The following JAG1 variants were observed in gnomAD, a reference collection of about 807,000 sequenced individuals.
JAG1 encodes the protein protein jagged-1.
JAG1 carries 23 observed loss-of-function variants against 148.7 expected under a neutral mutation model. That is an observed-to-expected ratio of 0.15 (90% CI 0.11 to 0.22). The LOEUF is 0.22. Among genes scored for constraint, JAG1 ranks in the 10% least tolerant of loss-of-function variants. The pLI is 1.00. For synonymous variants in JAG1, 572 were observed against 598.3 expected, an observed-to-expected ratio of 0.96 and a Z score of 0.64; for missense variants, 1,054 against 1,611.2, an observed-to-expected ratio of 0.65 and a Z score of 5.92.
intron 3 of JAG1, among the ~76,000 whole-genome samples, chr20:10,659,019 T>C (rs932790247): frequency 6.6e-6 from 1 of 152,218 alleles, no homozygotes; most frequent in Non-Finnish European, 1.5e-5. Flanking sequence ...AAAGCCACAG[T>C]GAGCATTCCT....
At chr20:10,664,939 T>C (rs2067443251) in intron 2 of JAG1, among the ~76,000 whole-genome samples, 1 of 152,170 alleles carries the variant, frequency 6.6e-6, no homozygotes, top group Non-Finnish European at 1.5e-5. Context: ...TCCTTCGTAA[T>C]TTACAGTAAG....
intron 2 of JAG1, 81 bp from the exon 3 acceptor site, chr20:10,664,095 T>A (rs934800358): frequency 1.1e-5 from 12 of 1,088,086 alleles, no homozygotes; most frequent in Non-Finnish European, 1.7e-5. Context: ...CCTCCCAGAA[T>A]ACCCCACCAA....
chr20:10,651,827 A>G, intron 7 of JAG1, 133 bp from the exon 8 acceptor site: 1 of 717,552 alleles, frequency 1.4e-6, no homozygotes, highest in South Asian at 1.5e-5. Context: ...AGCGTGTGAT[A>G]GAACCCTGCT....
Position 10,645,085 on chromosome 20 carries a change from A to G in JAG1, c.2227+58T>C, listed in dbSNP as rs2067298801. 6.6e-7 allele frequency: 1 copy of G among 1,523,128 alleles called. No homozygotes were observed. Among genetic ancestry groups the G allele is most frequent in the Non-Finnish European group, 9.1e-7 (1 of 1,096,950 alleles). 94.4% of individuals were successfully genotyped at this position (1,523,128 alleles called of 1,614,324 possible). On this transcript the variant is annotated intron_variant, in intron 17 of 25. Coordinates refer to ENST00000254958, the MANE Select transcript of JAG1 (RefSeq NM_000214.3). The surrounding 1 kb of genome is among the most constrained non-coding windows in gnomAD (Gnocchi z 6.1). Reference sequence around the variant, plus strand: ...ATATCATAAGCTCCAGGGGCCAACCAGCAGACACGCCCAGGTGGCCATGCC... The same window carrying G: ...ATATCATAAGCTCCAGGGGCCAACCGGCAGACACGCCCAGGTGGCCATGCC...
At chr20:10,641,323 G>C (rs1270378106) in intron 23 of JAG1, 79 bp from the exon 24 acceptor site, 1 of 1,581,260 alleles carries the variant, frequency 6.3e-7, no homozygotes, top group Non-Finnish European at 8.7e-7. Flanking sequence ...CTTTGAGGCT[G>C]GCTAAGTTCA....
intron 4 of JAG1, 125 bp downstream of exon 4, chr20:10,658,343 G>A: frequency 8.1e-7 from 1 of 1,235,324 alleles, no homozygotes; most frequent in Admixed American, 1.7e-5. Flanking sequence ...CATACTGCAG[G>A]CCCAGAATAA....
rs747469871 is a variant in JAG1, at chr20:10,644,318, T to C, written c.2372+39A>G. ...CACACACACACACACACACACACGA[T>C]AGTGGATGAGTGCTGGCTTAAAAGG... is the stretch of plus-strand genomic sequence containing the variant. On this transcript the variant is annotated intron_variant, in intron 19 of 25. Coordinates refer to ENST00000254958, the MANE Select transcript of JAG1 (RefSeq NM_000214.3). 1.1e-5 allele frequency: 12 copies of C among 1,137,584 alleles called. No individual in the cohort carries two copies. The East Asian group carries it at 1.8e-4, about 17-fold the overall frequency. The allele number at this position is 1,137,584 out of a possible 1,614,324, so 70.5% of individuals were successfully genotyped here.
rs145289642 is a variant in JAG1 at position 10,653,125 on chromosome 20, G to A, written c.756-527C>T. Among the ~76,000 whole-genome samples the A allele has an allele frequency of 1.5e-3, 235 of 151,654 alleles. 3 individuals carry two copies. Among genetic ancestry groups the A allele is most frequent in the African/African-American group, 5.5e-3 (229 of 41,326 alleles). ...ATTTAAAAAAACAAGGAGAGAAAGG[G>A]GCACCCTCCCTTGGCCAAAGCCAGA... On this transcript the variant is annotated intron_variant, in intron 5 of 25. Coordinates refer to ENST00000254958, the MANE Select transcript of JAG1 (RefSeq NM_000214.3).
At chr20:10,646,583 G>A (rs540570509) in intron 14 of JAG1, among the ~76,000 whole-genome samples, 32 of 152,072 alleles carry the variant, frequency 2.1e-4, no homozygotes, top group African/African-American at 6.7e-4. Flanking sequence ...TGGGGGTCGG[G>A]GGGTGGATCA....
intron 2 of JAG1, among the ~76,000 whole-genome samples, chr20:10,671,474 C>T (rs1486150814): frequency 6.6e-6 from 1 of 152,028 alleles, no homozygotes; most frequent in Non-Finnish European, 1.5e-5. Flanking sequence ...TAAGAGCCAC[C>T]CCAAGCTTCA....
chr20:10,638,895 AATT>A lies in JAG1; in HGVS notation c.*600_*602del, dbSNP rs1158352213. On this transcript the variant is annotated 3_prime_UTR_variant, in exon 26 of 26. Transcript: ENST00000254958. ...ATATACACAGTGATTAATAAAAAAG[AATT>A]ATTTACATAACTATACAAAGTTCTA... 3 of 153,896 alleles carry A rather than the reference AATT, an allele frequency of 1.9e-5. No individual in the cohort carries two copies. Among genetic ancestry groups the A allele is most frequent in the African/African-American group, 4.8e-5 (2 of 41,422 alleles). 9.5% of individuals were successfully genotyped at this position (153,896 alleles called of 1,614,324 possible). A position where few individuals can be genotyped will look rare whatever the true frequency, so the allele number is the denominator to read the frequency against.
At chr20:10,660,221 C>T (rs1273113071) in intron 3 of JAG1, among the ~76,000 whole-genome samples, 16 of 152,188 alleles carry the variant, frequency 1.1e-4, no homozygotes, top group Admixed American at 8.5e-4. Context: ...CCCCAGCGTT[C>T]GCCCTCTAGG....
chr20:10,673,166 C>CG lies in JAG1; in HGVS notation c.82-161_82-160insC. ...TCAAGGACTCAACATGATTCCGGGG[C>CG]AAAAAAAAAAAAAAATGCACGAGTG... On this transcript the variant is annotated intron_variant, in intron 1 of 25. Transcript: ENST00000254958. The surrounding 1 kb of genome is among the most constrained non-coding windows in gnomAD (Gnocchi z 4.7). The CG allele has an allele frequency of 5.1e-6, 3 of 590,684 alleles. No individual in the cohort carries two copies. The highest frequency in any genetic ancestry group is 8.8e-6 in the Non-Finnish European group (3 of 339,718). 36.6% of individuals were successfully genotyped at this position (590,684 alleles called of 1,614,324 possible).
Position 10,673,321 on chromosome 20 carries a change from G to A in JAG1, c.81+129C>T, listed in dbSNP as rs1437888439. Reference sequence around the variant, plus strand: ...TGGCGCGCTCAGCCCAGGTGCAGCCGCTCGGGCGCAGGGGCGAGGAGTCGG... The same window carrying A: ...TGGCGCGCTCAGCCCAGGTGCAGCCACTCGGGCGCAGGGGCGAGGAGTCGG... On this transcript the variant is annotated intron_variant, in intron 1 of 25. Coordinates refer to ENST00000254958, the MANE Select transcript of JAG1 (RefSeq NM_000214.3). The surrounding 1 kb of genome is among the most constrained non-coding windows in gnomAD (Gnocchi z 4.7). 8 of 756,118 alleles carry A rather than the reference G, an allele frequency of 1.1e-5. No homozygotes were observed. The highest frequency in any genetic ancestry group is 1.3e-5 in the Non-Finnish European group (6 of 475,262). The allele number at this position is 756,118 out of a possible 1,614,324, so 46.8% of individuals were successfully genotyped here.
chr20:10,649,057 A>C lies in JAG1; in HGVS notation c.1395+4T>G. 2 of 1,605,994 alleles carry C rather than the reference A, an allele frequency of 1.2e-6. No individual in the cohort carries two copies. ...AGTTTTGATTTAAGCAAAGATTTAC[A>C]TACCCGACAGGAGGCGTCATTCTGA... On this transcript the variant is annotated splice_donor_region_variant and intron_variant, in intron 11 of 25. Transcript: ENST00000254958.
intron 8 of JAG1, 135 bp downstream of exon 8, chr20:10,651,446 C>T (rs955662992): frequency 1.9e-5 from 12 of 638,372 alleles, no homozygotes; most frequent in African/African-American, 1.8e-4. Flanking sequence ...CACCAGACTG[C>T]TTACCAGACT....
chr20:10,663,395 C>A (rs2067430590), intron 3 of JAG1, among the ~76,000 whole-genome samples: 1 of 152,228 alleles, frequency 6.6e-6, no homozygotes, highest in African/African-American at 2.4e-5. Context: ...TGAAAGGCAA[C>A]CTGCACTGAA....
chr20:10,655,644 C>T (rs1555829315), intron 5 of JAG1, among the ~76,000 whole-genome samples: 5 of 152,104 alleles, frequency 3.3e-5, no homozygotes, highest in Non-Finnish European at 7.4e-5. Flanking sequence ...ATCCATTTAG[C>T]GTTACTCCTT....
chr20:10,651,618 C>T lies in JAG1; in HGVS notation c.1083G>A (p.Glu361=), dbSNP rs753419479. ...TGGGGCCGGTCCAGCCTGGGGAACACTCACACTCAAAGCCCAGGGAGGTCT... is the reference window on the plus strand; with the variant it reads ...TGGGGCCGGTCCAGCCTGGGGAACATTCACACTCAAAGCCCAGGGAGGTCT... ...CKETSLGFEC[E]CSPGWTGPTC... Residue 361 remains glutamate, a synonymous_variant, in exon 8 of 26, where the codon GAG becomes GAA. Coordinates refer to ENST00000254958, the MANE Select transcript of JAG1 (RefSeq NM_000214.3). The T allele has an allele frequency of 1.2e-6, 2 of 1,613,902 alleles. No homozygotes were observed.
Sources: allele counts gnomAD v4.1 joint callset (sites outside exome capture counted in the v4.1 genomes callset), GRCh38; gene constraint gnomAD v4.1.1; non-coding constraint Gnocchi (gnomAD v3.1); transcripts MANE v1.5; gene names NCBI Gene and HGNC (gene_info 2026-07-23, HGNC 2026-07-21).